STAB2: variants seen among roughly 807,000 people sequenced by gnomAD.
STAB2 encodes stabilin-2.
Under a neutral mutation model 338.1 loss-of-function variants are expected in STAB2, and 288 were observed. That is an observed-to-expected ratio of 0.85 (90% CI 0.77 to 0.94). STAB2 has a LOEUF of 0.94. Among genes scored for constraint, STAB2 ranks in the 40% least tolerant of loss-of-function variants. The probability of loss-of-function intolerance (pLI) is 0.00; values close to 1 mark genes in which losing one functional copy is unlikely to be tolerated. For missense variants in STAB2, 3,141 were observed against 3,210.1 expected (o/e 0.98, Z 0.52); for synonymous variants, 1,202 against 1,193.3 (o/e 1.01, Z -0.15).
chr12:103,765,895 A>T (rs2139265830), intron 68 of STAB2: 2 of 356,302 alleles, frequency 5.6e-6, no homozygotes, highest in East Asian at 1.5e-4. Context: ...CACTGGTTCA[A>T]GATGAATTTT....
chr12:103,685,222 G>A, intron 27 of STAB2, 138 bp downstream of exon 27: 1 of 794,148 alleles, frequency 1.3e-6, no homozygotes, highest in East Asian at 2.7e-5. Flanking sequence ...TCTCACAGAT[G>A]ACATACATGC....
intron 46 of STAB2, 96 bp downstream of exon 46, chr12:103,726,259 C>A (rs1383568830): frequency 9.9e-6 from 13 of 1,316,838 alleles, no homozygotes; most frequent in African/African-American, 1.5e-5. Context: ...GAGGCCAAGG[C>A]GGGCAGATTG....
Position 103,659,609 on chromosome 12 carries a change from T to G in STAB2, c.1735-722T>G, listed in dbSNP as rs374349370. ...GCAGACCACTGTGGTCACTGCCTTC[T>G]TCTCACAAAGAGTGTGGTCCCTGTG... is the stretch of plus-strand genomic sequence containing the variant. On this transcript the variant is annotated intron_variant, in intron 15 of 68. Transcript: ENST00000388887. Among the ~76,000 whole-genome samples, 16 of 152,346 alleles carry G rather than the reference T, an allele frequency of 1.1e-4. No individual in the cohort carries two copies. The East Asian group carries it at 1.7e-3, about 17-fold the overall frequency.
rs1044751848 is a variant in STAB2, at chr12:103,724,995, A to C, written c.4704A>C (p.Glu1568Asp). 2.5e-6 allele frequency: 4 copies of C among 1,613,808 alleles called. No individual in the cohort carries two copies. The highest frequency in any genetic ancestry group is 1.7e-5 in the Admixed American group (1 of 60,000). ...ACCAGAAAAATGGCGGCTGTAGTGA[A>C]TTTGCCATCTGCAACCACACTGGGC... The part of the protein sequence containing the change: ...VCLTKNGGCS[E>D]FAICNHTGQV... Residue 1568 changes from glutamate (E) to aspartate (D), a missense_variant, in exon 45 of 69, where the codon GAA (glutamate) becomes GAC (aspartate). Transcript: ENST00000388887.
chr12:103,681,265 G>A (rs1182445347), intron 25 of STAB2, among the ~76,000 whole-genome samples: 4 of 151,936 alleles, frequency 2.6e-5, no homozygotes, highest in East Asian at 1.9e-4. Flanking sequence ...CATTTTTGAC[G>A]CACTTGAGTT....
Position 103,699,105 on chromosome 12 carries a change from G to C in STAB2, c.3592G>C (p.Val1198Leu). 3.1e-6 allele frequency: 5 copies of C among 1,607,676 alleles called. No individual in the cohort carries two copies. Among genetic ancestry groups the C allele is most frequent in the Non-Finnish European group, 4.3e-6 (5 of 1,175,482 alleles). ...TCTGTGTGTGATCCAGGAGGAGGAC[G>C]TCCTCCGGTATCATGTGGTCCTGGA... ...EKKVLSLEED[V>L]LRYHVVLEEK... is the part of the protein sequence containing the mutation. The change falls in exon 34 of 69, where the codon GTC (valine) becomes CTC (leucine). Residue 1198 changes from valine (V) to leucine (L), a missense_variant. Val to Leu is a conservative substitution (Grantham distance 32). Coordinates refer to ENST00000388887, the MANE Select transcript of STAB2 (RefSeq NM_017564.10).
intron 17 of STAB2, among the ~76,000 whole-genome samples, chr12:103,662,361 G>A (rs1179730300): frequency 6.6e-6 from 1 of 152,146 alleles, no homozygotes; most frequent in Non-Finnish European, 1.5e-5. Flanking sequence ...TATGAGGAAA[G>A]TGGAGATCAG....
intron 18 of STAB2, among the ~76,000 whole-genome samples, chr12:103,663,758 A>G (rs1196071044): frequency 4.6e-5 from 7 of 152,204 alleles, no homozygotes; most frequent in African/African-American, 1.7e-4. Context: ...CTTATTTCCC[A>G]ACAAGATCAC....
intron 67 of STAB2, 56 bp downstream of exon 67, chr12:103,762,458 T>A: frequency 6.2e-7 from 1 of 1,612,542 alleles, no homozygotes; most frequent in African/African-American, 1.3e-5. Flanking sequence ...ACCCAGTCCC[T>A]GGACCTGGGC....
rs927900451 is a variant in STAB2 at position 103,737,552 on chromosome 12, A to T, written c.5551-82A>T. On this transcript the variant is annotated intron_variant, in intron 52 of 68. Coordinates refer to ENST00000388887, the MANE Select transcript of STAB2 (RefSeq NM_017564.10). ...ATGTTACATGGCTGGGAAAGAAGAG[A>T]TGTGTGAAAGAGATTGACTGTTTCT... The T allele has an allele frequency of 2.4e-5, 34 of 1,432,296 alleles. No individual in the cohort carries two copies. The African/African-American group carries it at 4.9e-4, about 21-fold the overall frequency. The allele number at this position is 1,432,296 out of a possible 1,614,324, so 88.7% of individuals were successfully genotyped here.
At chr12:103,736,999 G>T (rs1436729915) in intron 52 of STAB2, among the ~76,000 whole-genome samples, 1 of 152,128 alleles carries the variant, frequency 6.6e-6, no homozygotes, top group Non-Finnish European at 1.5e-5. Flanking sequence ...ATTATGCCTG[G>T]TACATGTGAA....
At chr12:103,640,777 G>A (rs929887913) in intron 9 of STAB2, among the ~76,000 whole-genome samples, 2 of 152,108 alleles carry the variant, frequency 1.3e-5, no homozygotes, top group African/African-American at 4.8e-5. Context: ...GAAAGAAGAT[G>A]GTATTTGGAC....
intron 33 of STAB2, among the ~76,000 whole-genome samples, 155 bp downstream of exon 33, chr12:103,695,999 A>G (rs925744364): frequency 6.6e-6 from 1 of 152,120 alleles, no homozygotes; most frequent in Non-Finnish European, 1.5e-5. Flanking sequence ...TCATACACAA[A>G]CATCCCCTCG....
chr12:103,632,938 T>G (rs1233751621), intron 6 of STAB2, among the ~76,000 whole-genome samples: 1 of 152,128 alleles, frequency 6.6e-6, no homozygotes, highest in East Asian at 1.9e-4. Context: ...AATGAAAGGG[T>G]TGGGTGAGAT....
At position 103,695,751 on chromosome 12, in the gene STAB2, GA is replaced by G; in HGVS notation, c.3491del (p.Asn1164MetfsTer31). ...TTCCATCGCAGCAATATAATCTGGC[GA>G]ATGCAATTGAGGCTGCCGATGCCTA... is the stretch of plus-strand genomic sequence containing the variant. ...RGYIIQYNLA[N>X]AIEAADAYTV... On this transcript the variant is annotated frameshift_variant, in exon 33 of 69. Coordinates refer to ENST00000388887, the MANE Select transcript of STAB2 (RefSeq NM_017564.10). LOFTEE classifies it high-confidence loss of function. The G allele has an allele frequency of 6.2e-7, 1 of 1,613,888 alleles. No homozygotes were observed. The highest frequency in any genetic ancestry group is 1.3e-5 in the African/African-American group (1 of 74,918).
At position 103,708,432 on chromosome 12, in the gene STAB2, C is replaced by G; in HGVS notation, c.4193-9C>G. On this transcript the variant is annotated splice_polypyrimidine_tract_variant and intron_variant, in intron 38 of 68. Transcript: ENST00000388887. The stretch of plus-strand genomic sequence containing the variant: ...AATCTGACGATTTGCAGGTGATTTT[C>G]CCACTTAGCATGTTCTTGTGTCCAT... The G allele has an allele frequency of 6.2e-7, 1 of 1,613,684 alleles. No individual in the cohort carries two copies. Among genetic ancestry groups the G allele is most frequent in the East Asian group, 2.2e-5 (1 of 44,876 alleles).
At chr12:103,719,160 T>G (rs1165934875) in intron 44 of STAB2, among the ~76,000 whole-genome samples, 1 of 152,190 alleles carries the variant, frequency 6.6e-6, no homozygotes, top group African/African-American at 2.4e-5. Context: ...GAGATAAGCC[T>G]GCTGACCCAG....
intron 25 of STAB2, among the ~76,000 whole-genome samples, chr12:103,678,236 CACTT>C (rs1876568973): frequency 6.6e-6 from 1 of 152,200 alleles, no homozygotes; most frequent in Non-Finnish European, 1.5e-5. Context: ...TACAGTTTCT[CACTT>C]TTATGTTTTA....
At chr12:103,637,054 G>T in intron 6 of STAB2, 57 bp from the exon 7 acceptor site, 1 of 1,510,272 alleles carries the variant, frequency 6.6e-7, no homozygotes, top group Non-Finnish European at 8.8e-7. Flanking sequence ...GCAGTTTGGG[G>T]GTCTTAAGAA....
Sources: gnomAD v4.1 joint callset for allele counts (sites outside exome capture counted in the v4.1 genomes callset) on GRCh38, gnomAD v4.1.1 for gene constraint, MANE v1.5 for transcripts, NCBI Gene and HGNC (gene_info 2026-07-23, HGNC 2026-07-21) for gene names.